Variants in BCL2L13 observed in about 807,000 individuals in gnomAD.
BCL2L13 encodes the protein bcl-2-like protein 13.
BCL2L13 carries 13 observed loss-of-function variants against 25.8 expected under a neutral mutation model. The observed-to-expected ratio is 0.50, with a 90% CI of 0.33 to 0.80. BCL2L13 has a LOEUF of 0.80. BCL2L13 is among the 30% of genes least tolerant of loss of function. The pLI is 0.02. For missense variants in BCL2L13, 504 were observed against 574.9 expected (o/e 0.88, Z 1.26); for synonymous variants, 244 against 230.3 (o/e 1.06, Z -0.54).
rs535771233 is a variant in BCL2L13 at position 17,706,612 on chromosome 22, C to T, written c.600+4226C>T. 1.8e-4 allele frequency: 205 copies of T among 1,117,188 alleles called. No homozygotes were observed. In the African/African-American group the frequency reaches 2.8e-3, roughly 15 times the overall value. 69.2% of individuals were successfully genotyped at this position (1,117,188 alleles called of 1,614,324 possible). ...TCTCTGAAGAGTGTGGTTTTTTTCCCTCTCCTTAAGTCTGATCACCATTTC... is the reference window on the plus strand; with the variant it reads ...TCTCTGAAGAGTGTGGTTTTTTTCCTTCTCCTTAAGTCTGATCACCATTTC... On this transcript the variant is annotated intron_variant, in intron 6 of 6. Coordinates refer to ENST00000317582, the MANE Select transcript of BCL2L13 (RefSeq NM_015367.4).
In BCL2L13 at chr22:17,678,693, T is replaced by G. The variant is rs148267163; in HGVS notation, c.122-4521T>G. ...TAAGTAACAGGTACTTTGTAAATGC[T>G]TGCTGTTGTCCTGCCCTTCCTGAAC... is the stretch of plus-strand genomic sequence containing the variant. On this transcript the variant is annotated intron_variant, in intron 2 of 6. Transcript: ENST00000317582. Among the ~76,000 whole-genome samples, 575 of 152,376 alleles carry G rather than the reference T, an allele frequency of 3.8e-3. 3 individuals are homozygous for G. The highest frequency in any genetic ancestry group is 8.6e-3 in the Admixed American group (131 of 15,300).
chr22:17,690,588 G>A (rs2060077748), intron 4 of BCL2L13, among the ~76,000 whole-genome samples: 1 of 152,014 alleles, frequency 6.6e-6, no homozygotes, highest in African/African-American at 2.4e-5. Flanking sequence ...GCCAGACCCT[G>A]TCTCTACAAA....
rs725769 is a variant in BCL2L13 at position 17,727,794 on chromosome 22, T to G, written c.*260T>G. On this transcript the variant is annotated 3_prime_UTR_variant, in exon 7 of 7. Coordinates refer to ENST00000317582, the MANE Select transcript of BCL2L13 (RefSeq NM_015367.4). ...AAAGCACCCCCTCCAGGACCGGGTT[T>G]CTCAGCCTTGGCACTAGTGCTGTTC... 0.13 allele frequency: 69,181 copies of G among 526,904 alleles called. 5,603 individuals are homozygous for G. Among genetic ancestry groups the G allele is most frequent in the Non-Finnish European group, 0.17 (49,713 of 293,706 alleles). The allele number at this position is 526,904 out of a possible 1,614,324, so 32.6% of individuals were successfully genotyped here. A position where few individuals can be genotyped will look rare whatever the true frequency, so the allele number is the denominator to read the frequency against.
chr22:17,646,657 A>G lies in BCL2L13; in HGVS notation c.-51+7771A>G, dbSNP rs539629755. 1.4e-4 allele frequency among the ~76,000 whole-genome samples: 21 copies of G among 148,458 alleles called. 1 individual carries two copies. Among genetic ancestry groups the G allele is most frequent in the African/African-American group, 5.2e-4 (20 of 38,370 alleles). On this transcript the variant is annotated intron_variant, in intron 1 of 6. Transcript: ENST00000317582. The stretch of plus-strand genomic sequence containing the variant: ...AAGAGGTCCTATTAGATAAAATTCA[A>G]TGAGTAAAGGTAACTATATGTCCCT...
chr22:17,683,480 C>T (rs2059815737), intron 3 of BCL2L13, among the ~76,000 whole-genome samples, 159 bp downstream of exon 3: 1 of 152,108 alleles, frequency 6.6e-6, no homozygotes, highest in Non-Finnish European at 1.5e-5. Flanking sequence ...TAGAAGGTAG[C>T]CTTTTTTCTT....
chr22:17,629,815 TCATACACA>T (rs1037879773), intron 1 of BCL2L13, among the ~76,000 whole-genome samples: 2 of 115,268 alleles, frequency 1.7e-5, no homozygotes. Context: ...CACTTTATTT[TCATACACA>T]CACACACACA....
intron 2 of BCL2L13, among the ~76,000 whole-genome samples, chr22:17,678,778 C>T (rs771907502): frequency 4.6e-5 from 7 of 152,216 alleles, no homozygotes; most frequent in Admixed American, 6.5e-5. Flanking sequence ...TTTTGTGCTG[C>T]GTAGATGCTT....
At chr22:17,647,624 C>A (rs2058540177) in intron 1 of BCL2L13, among the ~76,000 whole-genome samples, 1 of 152,086 alleles carries the variant, frequency 6.6e-6, no homozygotes, top group African/African-American at 2.4e-5. Context: ...TGAATAAATA[C>A]AGTTAAGGTC....
chr22:17,646,716 CTTTTTTTTTT>C (rs10684670), intron 1 of BCL2L13, among the ~76,000 whole-genome samples: 1 of 89,192 alleles, frequency 1.1e-5, no homozygotes, highest in African/African-American at 4.7e-5. Flanking sequence ...AAATATCTGT[CTTTTTTTTTT>C]TTTTTTTTTT....
At chr22:17,718,003 C>T (rs192284312) in intron 6 of BCL2L13, among the ~76,000 whole-genome samples, 117 of 152,250 alleles carry the variant, frequency 7.7e-4, no homozygotes, top group African/African-American at 2.7e-3. Flanking sequence ...AGGAGGGTTG[C>T]TTGAGCCCTG....
chr22:17,646,176 A>G (rs1194896751), intron 1 of BCL2L13, among the ~76,000 whole-genome samples: 1 of 151,556 alleles, frequency 6.6e-6, no homozygotes, highest in African/African-American at 2.4e-5. Flanking sequence ...AAAAAGATTA[A>G]GGCACAGAAA....
intron 4 of BCL2L13, chr22:17,695,756 C>A: frequency 1.3e-5 from 2 of 153,836 alleles, no homozygotes; most frequent in Non-Finnish European, 2.9e-5. Context: ...AGATTTTTTA[C>A]CTTTAAAAAA....
At position 17,690,493 on chromosome 22, in the gene BCL2L13, C is replaced by T. The variant is rs1382607936; in HGVS notation, c.386+1351C>T. Among the ~76,000 whole-genome samples, 7 of 152,082 alleles carry T rather than the reference C, an allele frequency of 4.6e-5. No individual in the cohort carries two copies. In the South Asian group the frequency reaches 1.2e-3, roughly 27 times the overall value. On this transcript the variant is annotated intron_variant, in intron 4 of 6. Transcript: ENST00000317582. ...TTATGCTTAAACAGTGAAATGAAAT[C>T]GTATTTGGTAATCTCAGTACTTTGG... is the stretch of plus-strand genomic sequence containing the variant.
intron 1 of BCL2L13, among the ~76,000 whole-genome samples, chr22:17,653,180 G>A (rs1178258964): frequency 6.6e-6 from 1 of 151,972 alleles, no homozygotes; most frequent in African/African-American, 2.4e-5. Context: ...CCAAACTGTC[G>A]TTAAGTCGGG....
intron 2 of BCL2L13, among the ~76,000 whole-genome samples, chr22:17,661,487 G>A (rs1039115457): frequency 6.8e-6 from 1 of 146,110 alleles, no homozygotes; most frequent in African/African-American, 2.4e-5. Context: ...GAAGGATAAA[G>A]GTTGAACCTC....
chr22:17,727,281 T>C lies in BCL2L13; in HGVS notation c.1205T>C (p.Leu402Pro), dbSNP rs776853685. The change falls in exon 7 of 7, where the codon CTG (leucine) becomes CCG (proline). Residue 402 changes from leucine to proline, a missense_variant. Coordinates refer to ENST00000317582, the MANE Select transcript of BCL2L13 (RefSeq NM_015367.4). The stretch of plus-strand genomic sequence containing the variant: ...GAAGTGGAGGAGGTGGTCCCCGCAC[T>C]GGAACCCACAGAAACGCTGCTGAGT... ...PTEVEEVVPA[L>P]EPTETLLSEK... The C allele has an allele frequency of 7.4e-6, 12 of 1,614,090 alleles. No homozygotes were observed. The Admixed American group carries it at 1.8e-4, about 25-fold the overall frequency.
chr22:17,721,024 AGGCATGGTGGCG>A (rs1021907696), intron 6 of BCL2L13, among the ~76,000 whole-genome samples: 1 of 151,912 alleles, frequency 6.6e-6, no homozygotes, highest in Non-Finnish European at 1.5e-5. Context: ...AAAATTAGCC[AGGCATGGTGGCG>A]GGCGCCTGTA....
At chr22:17,685,747 A>ATTTTTTT in intron 3 of BCL2L13, among the ~76,000 whole-genome samples, 1 of 72,218 alleles carries the variant, frequency 1.4e-5, no homozygotes, top group Non-Finnish European at 2.9e-5. Context: ...TTGCCCAATA[A>ATTTTTTT]TTTTTTCTTT....
rs16981036 is a variant in BCL2L13, at chr22:17,716,779, T to G, written c.601-9898T>G. 2.6e-3 allele frequency among the ~76,000 whole-genome samples: 393 copies of G among 152,334 alleles called. 4 individuals are homozygous for G. The highest frequency in any genetic ancestry group is 9.2e-3 in the African/African-American group (382 of 41,572). The stretch of plus-strand genomic sequence containing the variant: ...TTGTAACATTCAAACTGAGCCTTTA[T>G]GTAATGGCCGGATGGTACCTTAGAT... On this transcript the variant is annotated intron_variant, in intron 6 of 6. Transcript: ENST00000317582.
Sources: allele counts gnomAD v4.1 joint callset (sites outside exome capture counted in the v4.1 genomes callset), GRCh38; gene constraint gnomAD v4.1.1; transcripts MANE v1.5; gene names NCBI Gene and HGNC (gene_info 2026-07-23, HGNC 2026-07-21).